Variants in FAM170A observed in about 807,000 individuals in gnomAD.
FAM170A encodes protein FAM170A.
Under a neutral mutation model 36.6 loss-of-function variants are expected in FAM170A, and 28 were observed. The ratio of observed to expected loss-of-function variants is 0.76; its 90% confidence interval spans 0.57 to 1.05. The LOEUF (loss-of-function observed/expected upper bound fraction) is 1.05, where lower values mean the gene tolerates loss of function less well. Among genes scored for constraint, FAM170A ranks in the 50% least tolerant of loss-of-function variants. The pLI is 0.00. For missense variants in FAM170A, 434 were observed against 396.5 expected, an observed-to-expected ratio of 1.09 and a Z score of -0.80; for synonymous variants, 156 against 143.9, an observed-to-expected ratio of 1.08 and a Z score of -0.60.
intron 3 of FAM170A, 132 bp downstream of exon 3, chr5:119,634,866 G>C: frequency 8.2e-7 from 1 of 1,226,898 alleles, no homozygotes; most frequent in Middle Eastern, 2.0e-4. Flanking sequence ...AACAATGGAG[G>C]GGGACATAAC....
chr5:119,629,925 T>G (rs1478453305), intron 1 of FAM170A, 87 bp downstream of exon 1: 1 of 1,092,326 alleles, frequency 9.2e-7, no homozygotes, highest in Non-Finnish European at 1.4e-6. Context: ...GGAGTCTCGC[T>G]CTATCGCCCA....
exon 2 of FAM170A, chr5:119,632,873 A>G (rs1756285126): frequency 1.2e-6 from 2 of 1,608,698 alleles, no homozygotes; most frequent in Non-Finnish European, 8.5e-7. Flanking sequence ...TTCTTCACGC[A>G]AGCTCATCCA....
intron 1 of FAM170A, among the ~76,000 whole-genome samples, chr5:119,630,237 C>T (rs1419781227): frequency 1.4e-5 from 2 of 143,854 alleles, no homozygotes; most frequent in Non-Finnish European, 3.0e-5. Flanking sequence ...TCACTGCAAG[C>T]TCCGCCTCCC....
At chr5:119,632,781 C>G in exon 2 of FAM170A, 1 of 1,610,916 alleles carries the variant, frequency 6.2e-7, no homozygotes, top group African/African-American at 1.3e-5. Flanking sequence ...GCCCTGCAGC[C>G]TGGATCCACT....
At chr5:119,634,142 C>G in exon 3 of FAM170A, 4 of 1,614,112 alleles carry the variant, frequency 2.5e-6, no homozygotes, top group Non-Finnish European at 3.4e-6. Flanking sequence ...ATACTACATG[C>G]AGGTACAAAT....
At chr5:119,631,331 GA>G (rs1319340741) in intron 1 of FAM170A, among the ~76,000 whole-genome samples, 2 of 152,150 alleles carry the variant, frequency 1.3e-5, no homozygotes, top group East Asian at 3.9e-4. Flanking sequence ...ACAGGAAGGG[GA>G]AGGCAATGGT....
intron 1 of FAM170A, among the ~76,000 whole-genome samples, chr5:119,630,812 G>A (rs1176900001): frequency 6.6e-6 from 1 of 152,182 alleles, no homozygotes; most frequent in Non-Finnish European, 1.5e-5. Flanking sequence ...TGTGAAGGGT[G>A]CTGGTAGAAG....
intron 3 of FAM170A, 58 bp from the exon 4 acceptor site, chr5:119,634,970 G>T: frequency 1.2e-6 from 2 of 1,609,342 alleles, no homozygotes; most frequent in Non-Finnish European, 1.7e-6. Context: ...GAAATTCTGA[G>T]AATTTCAAAA....
intron 1 of FAM170A, among the ~76,000 whole-genome samples, chr5:119,631,202 T>C (rs973521456): frequency 3.3e-5 from 5 of 152,190 alleles, no homozygotes; most frequent in Admixed American, 6.5e-5. Context: ...GCCCCAGAGA[T>C]GGCCCTGGAG....
intron 1 of FAM170A, among the ~76,000 whole-genome samples, chr5:119,630,074 G>A (rs1358449460): frequency 7.7e-6 from 1 of 130,466 alleles, no homozygotes; most frequent in Non-Finnish European, 1.6e-5. Context: ...TGTATTTTTA[G>A]TAGAGACGGG....
At chr5:119,633,300 G>A (rs1431607748) in intron 2 of FAM170A, among the ~76,000 whole-genome samples, 1 of 152,134 alleles carries the variant, frequency 6.6e-6, no homozygotes, top group Non-Finnish European at 1.5e-5. Context: ...AGGTGTCTGG[G>A]CAAGATGACA....
intron 1 of FAM170A, among the ~76,000 whole-genome samples, chr5:119,630,422 C>T (rs187892136): frequency 1.8e-4 from 27 of 151,694 alleles, no homozygotes; most frequent in Middle Eastern, 3.4e-3. Context: ...CCACCTGCCT[C>T]GGCCTCCCAA....
chr5:119,632,603 T>C (rs1374466728), intron 1 of FAM170A, 145 bp from the exon 2 acceptor site: 1 of 640,204 alleles, frequency 1.6e-6, no homozygotes, highest in Non-Finnish European at 2.6e-6. Flanking sequence ...AATACTGGAG[T>C]ATCCACCAGA....
chr5:119,632,642 C>G (rs1452863381), intron 1 of FAM170A, 106 bp from the exon 2 acceptor site: 2 of 1,093,370 alleles, frequency 1.8e-6, no homozygotes, highest in Non-Finnish European at 2.6e-6. Context: ...TGTGTGTTCA[C>G]TACACCTGAC....
intron 1 of FAM170A, among the ~76,000 whole-genome samples, chr5:119,632,063 G>A (rs777202507): frequency 1.3e-5 from 2 of 152,188 alleles, no homozygotes; most frequent in Non-Finnish European, 2.9e-5. Context: ...ACATACTTAC[G>A]CTAAAAAAAT....
exon 3 of FAM170A, chr5:119,634,444 C>T: frequency 3.7e-6 from 6 of 1,614,150 alleles, no homozygotes; most frequent in Non-Finnish European, 5.1e-6. Context: ...GGTGCATGGC[C>T]TGCTGCCGGG....
chr5:119,629,560 A>G (rs1457155754), exon 1 of FAM170A: 2 of 398,044 alleles, frequency 5.0e-6, no homozygotes, highest in Non-Finnish European at 9.3e-6. Flanking sequence ...TGACCTTTGA[A>G]CCTTAACAGC....
At chr5:119,634,288 C>T in exon 3 of FAM170A, 2 of 1,614,174 alleles carry the variant, frequency 1.2e-6, no homozygotes, top group South Asian at 1.1e-5. Flanking sequence ...CCACCAGAAA[C>T]CTCCTGTCTG....
intron 1 of FAM170A, among the ~76,000 whole-genome samples, chr5:119,632,332 A>G (rs328700): frequency 0.42 from 63,214 of 152,016 alleles, 13,350 homozygotes; most frequent in South Asian, 0.54. Flanking sequence ...AGATGAATGA[A>G]TTAATGTACA....
Sources: gnomAD v4.1 joint callset for allele counts (sites outside exome capture counted in the v4.1 genomes callset) on GRCh38, gnomAD v4.1.1 for gene constraint, MANE v1.5 for transcripts, NCBI Gene and HGNC (gene_info 2026-07-23, HGNC 2026-07-21) for gene names.